APC: variants seen among roughly 807,000 people sequenced by gnomAD.
APC encodes the protein adenomatous polyposis coli protein.
In APC, 72 loss-of-function variants were observed where a neutral mutation model predicts 247.0. The ratio of observed to expected loss-of-function variants is 0.29; its 90% CI spans 0.24 to 0.35. The LOEUF is 0.35. Among genes scored for constraint, APC ranks in the 10% least tolerant of loss-of-function variants. APC has a pLI of 1.00. For synonymous variants in APC, 1,254 were observed against 1,162.5 expected (o/e 1.08, Z -1.60); for missense variants, 3,400 against 3,360.7 (o/e 1.01, Z -0.29).
intron 6 of APC, among the ~76,000 whole-genome samples, chr5:112,786,033 A>G (rs1758908858): frequency 6.6e-6 from 1 of 152,216 alleles, no homozygotes; most frequent in African/African-American, 2.4e-5. Context: ...GAAAATGGTA[A>G]TATCTCTAAA....
chr5:112,775,052 G>C (rs1757467098), intron 4 of APC, among the ~76,000 whole-genome samples: 1 of 152,118 alleles, frequency 6.6e-6, no homozygotes, highest in African/African-American at 2.4e-5. Context: ...CAGGTATACA[G>C]TTTCTTAGTA....
At chr5:112,707,685 ACTC>A (rs1750596947) in exon 1 of APC, 1 of 1,369,890 alleles carries the variant, frequency 7.3e-7, no homozygotes, top group African/African-American at 1.4e-5. Context: ...AAGGTGAAGC[ACTC>A]AGTTGCCTTC....
rs200130652 is a variant in APC, at chr5:112,786,889, T to TC, written c.646-5557_646-5556insC. Among the ~76,000 whole-genome samples the TC allele has an allele frequency of 6.6e-4, 70 of 106,720 alleles. 1 individual carries two copies. The highest frequency in any genetic ancestry group is 1.8e-3 in the African/African-American group (67 of 37,388). The allele number at this position is 106,720 out of a possible 152,430, so 70.0% of individuals were successfully genotyped here. ...TCAACCCTGCCTTTTTCTTTTTCTT[T>TC]TTTTTTTTTTTTTTTTGAGTCAGAG... On this transcript the variant is annotated intron_variant, in intron 6 of 15. Transcript: ENST00000257430.
intron 6 of APC, among the ~76,000 whole-genome samples, chr5:112,782,927 A>T (rs368975500): frequency 6.6e-6 from 1 of 152,230 alleles, no homozygotes; most frequent in South Asian, 2.1e-4. Flanking sequence ...ATTGCATTTT[A>T]CATTTAGATT....
intron 1 of APC, among the ~76,000 whole-genome samples, chr5:112,728,043 T>A (rs1015877892): frequency 1.3e-5 from 2 of 152,166 alleles, no homozygotes; most frequent in Admixed American, 1.3e-4. Context: ...CCAACACAAA[T>A]TCATAAACTG....
Position 112,837,609 on chromosome 5 carries a change from A to T in APC, c.2015A>T (p.His672Leu), listed in dbSNP as rs1003813738. 1 of 1,611,232 alleles carries T rather than the reference A, an allele frequency of 6.2e-7. No homozygotes were observed. Among genetic ancestry groups the T allele is most frequent in the African/African-American group, 1.3e-5 (1 of 74,886 alleles). The stretch of plus-strand genomic sequence containing the variant: ...ACTTTATTACAACACTTAAAATCTC[A>T]TAGTTTGACAATAGTCAGTAATGCA... Reference protein sequence around the residue: ...LQTLLQHLKSHSLTIVSNACG... With the variant: ...LQTLLQHLKSLSLTIVSNACG... Residue 672 changes from histidine (H) to leucine (L), a missense_variant, in exon 16 of 16, where the codon CAT (histidine) becomes CTT (leucine). Around this residue, in one of 9 missense-constraint regions of APC, gnomAD observed 184 missense variants for 248.0 expected, o/e 0.74. Coordinates refer to ENST00000257430, the MANE Select transcript of APC (RefSeq NM_000038.6).
chr5:112,817,163 C>T (rs1297261397), intron 9 of APC, among the ~76,000 whole-genome samples: 1 of 152,132 alleles, frequency 6.6e-6, no homozygotes, highest in South Asian at 2.1e-4. Flanking sequence ...AGTGACCACA[C>T]CCGGCCCATC....
intron 6 of APC, among the ~76,000 whole-genome samples, chr5:112,786,132 G>A (rs1485698094): frequency 6.6e-6 from 1 of 152,198 alleles, no homozygotes; most frequent in African/African-American, 2.4e-5. Flanking sequence ...TGCCCAGGCT[G>A]TAGTGCAGTG....
At chr5:112,814,753 A>T (rs1181616539) in intron 8 of APC, among the ~76,000 whole-genome samples, 3 of 152,184 alleles carry the variant, frequency 2.0e-5, no homozygotes, top group Admixed American at 6.5e-5. Context: ...TTGAAATGAC[A>T]TGAGATACTT....
intron 4 of APC, among the ~76,000 whole-genome samples, chr5:112,769,969 A>G (rs1352381735): frequency 6.6e-6 from 1 of 152,178 alleles, no homozygotes; most frequent in East Asian, 1.9e-4. Context: ...ACTTGGGTCC[A>G]TAATCTTCCA....
rs1209401335 is a variant in APC, at chr5:112,844,644, C to T, written c.*518C>T. 1 of 233,738 alleles carries T rather than the reference C, an allele frequency of 4.3e-6. No individual in the cohort carries two copies. Among genetic ancestry groups the T allele is most frequent in the African/African-American group, 2.2e-5 (1 of 45,246 alleles). The allele number at this position is 233,738 out of a possible 1,614,324, so 14.5% of individuals were successfully genotyped here. On this transcript the variant is annotated 3_prime_UTR_variant, in exon 16 of 16. Coordinates refer to ENST00000257430, the MANE Select transcript of APC (RefSeq NM_000038.6). ...GAACAAGTTTACCCAGCCTGCTTTG[C>T]TTTACTGCATGAATGAAACTGATGG...
At position 112,780,746 on chromosome 5, in the gene APC, G is replaced by A. The variant is rs201769510; in HGVS notation, c.532-44G>A. 37 of 1,398,056 alleles carry A rather than the reference G, an allele frequency of 2.6e-5. No homozygotes were observed. In the African/African-American group the frequency reaches 2.7e-4, roughly 10 times the overall value. 86.6% of individuals were successfully genotyped at this position (1,398,056 alleles called of 1,614,324 possible). ...TGCTTTTTTGCTTTTACTGATTAAC[G>A]TAAATACAAGATATTGATACTTTTT... On this transcript the variant is annotated intron_variant, in intron 5 of 15. Transcript: ENST00000257430.
At chr5:112,736,919 A>G (rs574314968), upstream of APC, among the ~76,000 whole-genome samples, 324 of 152,314 alleles carry the variant, frequency 2.1e-3, 2 homozygotes, top group African/African-American at 7.5e-3. Context: ...TCAAAAAACA[A>G]ACAAAGAAAA....
rs954377801 is a variant in APC at position 112,818,831 on chromosome 5, T to G, written c.934-135T>G. 3.1e-4 allele frequency: 279 copies of G among 888,334 alleles called. 5 individuals are homozygous for G. The highest frequency in any genetic ancestry group is 3.6e-4 in the Non-Finnish European group (218 of 612,862). 55.0% of individuals were successfully genotyped at this position (888,334 alleles called of 1,614,324 possible). A position where few individuals can be genotyped will look rare whatever the true frequency, so the allele number is the denominator to read the frequency against. ...TCATCCTGGAAAGGTTTTCCGGTTT[T>G]TTGTTTTTTTTTTGGCGGGGGGGGT... On this transcript the variant is annotated intron_variant, in intron 9 of 15. Transcript: ENST00000257430.
rs1766448918 is a variant in APC at position 112,842,920 on chromosome 5, T to G, written c.7326T>G (p.Thr2442=). 6.2e-7 allele frequency: 1 copy of G among 1,613,956 alleles called. No individual in the cohort carries two copies. The highest frequency in any genetic ancestry group is 8.5e-7 in the Non-Finnish European group (1 of 1,179,954). ...GACCTGTATTAGTACGCCAGTCAAC[T>G]TTCATCAAAGAAGCTCCAAGCCCAA... ...SERPVLVRQS[T]FIKEAPSPTL... is the part of the protein sequence containing the mutation. The change falls in exon 16 of 16, where the codon ACT becomes ACG. Residue 2442 remains threonine (T), a synonymous_variant. Coordinates refer to ENST00000257430, the MANE Select transcript of APC (RefSeq NM_000038.6).
intron 1 of APC, among the ~76,000 whole-genome samples, chr5:112,753,523 A>G (rs1754613504): frequency 6.6e-6 from 1 of 152,216 alleles, no homozygotes; most frequent in African/African-American, 2.4e-5. Context: ...AAGGGCAAAG[A>G]TTAAATCATG....
chr5:112,822,711 C>T (rs1429378525), intron 11 of APC, among the ~76,000 whole-genome samples: 1 of 152,190 alleles, frequency 6.6e-6, no homozygotes, highest in African/African-American at 2.4e-5. Flanking sequence ...TCTCTCTAGT[C>T]ATGCCACAAG....
At chr5:112,835,214 C>T (rs776254441) in intron 15 of APC, 49 bp downstream of exon 15, 6 of 1,462,760 alleles carry the variant, frequency 4.1e-6, no homozygotes, top group Non-Finnish European at 4.7e-6. Context: ...TTCATACTCT[C>T]AAAAAGACCT....
chr5:112,761,728 G>T (rs1020612074), intron 2 of APC, among the ~76,000 whole-genome samples: 4 of 152,160 alleles, frequency 2.6e-5, no homozygotes, highest in African/African-American at 7.2e-5. Flanking sequence ...TATATAGAAA[G>T]AAATTTGATA....
Sources: allele counts gnomAD v4.1 joint callset (sites outside exome capture counted in the v4.1 genomes callset), GRCh38; gene constraint gnomAD v4.1.1; regional missense constraint gnomAD v4.1.1; transcripts MANE v1.5; gene names NCBI Gene and HGNC (gene_info 2026-07-23, HGNC 2026-07-21).